The following JPH2 variants were observed in gnomAD, a reference collection of about 807,000 sequenced individuals.
JPH2 encodes junctophilin-2.
Under a neutral mutation model 55.9 loss-of-function variants are expected in JPH2, and 38 were observed. The ratio of observed to expected loss-of-function variants is 0.68; its 90% CI spans 0.52 to 0.89. The LOEUF is 0.89. Ranked by LOEUF, JPH2 falls within the 40% of genes least tolerant of loss-of-function variation. The pLI is 0.00. For synonymous variants in JPH2, 480 were observed against 472.4 expected, an observed-to-expected ratio of 1.02 and a Z score of -0.21; for missense variants, 964 against 1,037.6, an observed-to-expected ratio of 0.93 and a Z score of 0.97.
rs1057524121 is a variant in JPH2 at position 44,116,244 on chromosome 20, G to A, written c.1431C>T (p.Thr477=). ...ACGGGGAGCCACCCTCGGGCCGAGGGGTCTCACGCTCGTGCAGCTGCGGGC... is the reference window on the plus strand; with the variant it reads ...ACGGGGAGCCACCCTCGGGCCGAGGAGTCTCACGCTCGTGCAGCTGCGGGC... The part of the protein sequence containing the change: ...RESPQLHERE[T]PRPEGGSPSP... The change falls in exon 4 of 6, where the codon ACC becomes ACT. Residue 477 remains threonine, a synonymous_variant. Coordinates refer to ENST00000372980, the MANE Select transcript of JPH2 (RefSeq NM_020433.5). 1.4e-5 allele frequency: 21 copies of A among 1,478,226 alleles called. No homozygotes were observed. Among genetic ancestry groups the A allele is most frequent in the Middle Eastern group, 2.4e-4 (1 of 4,184 alleles). The allele number at this position is 1,478,226 out of a possible 1,614,324, so 91.6% of individuals were successfully genotyped here.
At chr20:44,177,437 A>G (rs557567283) in intron 1 of JPH2, 1 of 991,148 alleles carries the variant, frequency 1.0e-6, no homozygotes, top group East Asian at 1.1e-4. Context: ...ACGTCTGCAG[A>G]GATTTGGCCA....
At position 44,106,798 on chromosome 20, in the gene JPH2, C is replaced by T. The variant is rs531483883; in HGVS notation, c.*6720G>A. ...CGAGAACGGCACGGGAAAGGCTTGC[C>T]CCCATGATTCAATTACCTCCCACTG... On this transcript the variant is annotated 3_prime_UTR_variant, in exon 6 of 6. Transcript: ENST00000372980. Among the ~76,000 whole-genome samples the T allele has an allele frequency of 7.2e-5, 11 of 152,164 alleles. No homozygotes were observed. The South Asian group carries it at 2.3e-3, about 32-fold the overall frequency.
At chr20:44,177,302 G>C (rs957757981) in intron 1 of JPH2, 1 of 985,906 alleles carries the variant, frequency 1.0e-6, no homozygotes, top group East Asian at 1.1e-4. Context: ...AATGAGACTC[G>C]GCATTCCTCA....
chr20:44,167,476 G>A (rs940714221), intron 1 of JPH2, among the ~76,000 whole-genome samples: 2 of 152,102 alleles, frequency 1.3e-5, no homozygotes, highest in African/African-American at 2.4e-5. Flanking sequence ...GCTCAGTAGT[G>A]GACAGCACTG....
At chr20:44,161,706 T>A (rs1375017995) in intron 1 of JPH2, among the ~76,000 whole-genome samples, 1 of 152,036 alleles carries the variant, frequency 6.6e-6, no homozygotes, top group African/African-American at 2.4e-5. Flanking sequence ...ACCTGAGTTG[T>A]ATGACAAGCT....
At position 44,170,026 on chromosome 20, in the gene JPH2, C is replaced by G. The variant is rs1004935501; in HGVS notation, c.380-9619G>C. 2.0e-5 allele frequency among the ~76,000 whole-genome samples: 3 copies of G among 152,182 alleles called. No homozygotes were observed. The East Asian group carries it at 5.8e-4, about 29-fold the overall frequency. On this transcript the variant is annotated intron_variant, in intron 1 of 5. Coordinates refer to ENST00000372980, the MANE Select transcript of JPH2 (RefSeq NM_020433.5). ...GGAAATACATTTTGTTTCTTATAAA[C>G]TACACAGTTTCAGGTATTCTGTTAT...
rs376510739 is a variant in JPH2, at chr20:44,143,332, C to T, written c.1169+16286G>A. Among the ~76,000 whole-genome samples, 21 of 152,236 alleles carry T rather than the reference C, an allele frequency of 1.4e-4. No homozygotes were observed. The East Asian group carries it at 1.9e-3, about 14-fold the overall frequency. The stretch of plus-strand genomic sequence containing the variant: ...TCCTGTGTCTACCCCTAGTTTCCCC[C>T]GTAGCTGTGGAGGCAAGCTCCATGT... On this transcript the variant is annotated intron_variant, in intron 2 of 5. Coordinates refer to ENST00000372980, the MANE Select transcript of JPH2 (RefSeq NM_020433.5).
At chr20:44,113,674 C>T (rs112602806) in intron 5 of JPH2, among the ~76,000 whole-genome samples, 171 bp from the exon 6 acceptor site, 11 of 152,200 alleles carry the variant, frequency 7.2e-5, no homozygotes, top group East Asian at 1.9e-4. Flanking sequence ...AGGTCACAAA[C>T]GGGTCCCCGA....
At position 44,121,831 on chromosome 20, in the gene JPH2, T is replaced by TA. The variant is rs879393798; in HGVS notation, c.1170-3209dup. ...CCAAGACCTTGTCTCTACTAACAAT[T>TA]AAAAAAAAAAAATTAGCCAGGTGTG... is the stretch of plus-strand genomic sequence containing the variant. On this transcript the variant is annotated intron_variant, in intron 2 of 5. Transcript: ENST00000372980. Among the ~76,000 whole-genome samples the TA allele has an allele frequency of 7.8e-3, 1,132 of 144,630 alleles. 9 individuals carry two copies. Among genetic ancestry groups the TA allele is most frequent in the African/African-American group, 0.019 (750 of 39,448 alleles). The allele number at this position is 144,630 out of a possible 152,430, so 94.9% of individuals were successfully genotyped here.
chr20:44,138,009 C>CTTTT (rs556691395), intron 2 of JPH2, among the ~76,000 whole-genome samples: 2 of 140,776 alleles, frequency 1.4e-5, no homozygotes, highest in African/African-American at 5.2e-5. Context: ...TTAAAAAGAC[C>CTTTT]TTTTTTTTTT....
chr20:44,119,737 G>T (rs1256022574), intron 2 of JPH2, among the ~76,000 whole-genome samples: 1 of 152,024 alleles, frequency 6.6e-6, no homozygotes, highest in Non-Finnish European at 1.5e-5. Context: ...AGCCGGGCAT[G>T]GTGGCGGGCG....
At chr20:44,175,269 G>C (rs979772868) in intron 1 of JPH2, among the ~76,000 whole-genome samples, 34 of 152,294 alleles carry the variant, frequency 2.2e-4, no homozygotes, top group Admixed American at 1.8e-3. Context: ...ATAAATATTT[G>C]CCAAATGGCT....
At chr20:44,174,852 T>C (rs1004912162) in intron 1 of JPH2, among the ~76,000 whole-genome samples, 12 of 151,836 alleles carry the variant, frequency 7.9e-5, no homozygotes, top group African/African-American at 2.9e-4. Flanking sequence ...AAGTAGCCGG[T>C]TGTGGTGGTG....
intron 1 of JPH2, chr20:44,176,902 T>C (rs567298226): frequency 4.1e-6 from 4 of 985,182 alleles, no homozygotes; most frequent in South Asian, 4.7e-5. Flanking sequence ...GCAGGCTGCA[T>C]GCAGCTGTCC....
chr20:44,141,410 C>T (rs1407468113), intron 2 of JPH2, among the ~76,000 whole-genome samples: 1 of 151,980 alleles, frequency 6.6e-6, no homozygotes, highest in African/African-American at 2.4e-5. Flanking sequence ...CAGATGGAGG[C>T]GGGTCCCTGA....
At chr20:44,185,841 G>A (rs1164354310) in intron 1 of JPH2, among the ~76,000 whole-genome samples, 1 of 151,760 alleles carries the variant, frequency 6.6e-6, no homozygotes, top group Non-Finnish European at 1.5e-5. Flanking sequence ...ATGAATGGAT[G>A]GATGGACGGG....
chr20:44,115,128 T>A (rs749261253), intron 4 of JPH2, among the ~76,000 whole-genome samples: 5 of 152,098 alleles, frequency 3.3e-5, no homozygotes, highest in African/African-American at 7.2e-5. Context: ...AGTGTGTGAA[T>A]CAGGCCTGGA....
chr20:44,169,954 C>G (rs1293324753), intron 1 of JPH2, among the ~76,000 whole-genome samples: 1 of 152,158 alleles, frequency 6.6e-6, no homozygotes, highest in African/African-American at 2.4e-5. Context: ...GAATGCCACT[C>G]CTGATATGAC....
chr20:44,159,481 C>T lies in JPH2; in HGVS notation c.1169+137G>A. 2 of 882,836 alleles carry T rather than the reference C, an allele frequency of 2.3e-6. No homozygotes were observed. Among genetic ancestry groups the T allele is most frequent in the South Asian group, 3.2e-5 (2 of 62,666 alleles). 54.7% of individuals were successfully genotyped at this position (882,836 alleles called of 1,614,324 possible). On this transcript the variant is annotated intron_variant, in intron 2 of 5. Coordinates refer to ENST00000372980, the MANE Select transcript of JPH2 (RefSeq NM_020433.5). The surrounding 1 kb of genome is among the most constrained non-coding windows in gnomAD (Gnocchi z 5.7). ...CAGGAGCCACCAGCTCCCGAAGAGCCTCCAATTAACCCCTGAAGGTGATGG... is the reference window on the plus strand; with the variant it reads ...CAGGAGCCACCAGCTCCCGAAGAGCTTCCAATTAACCCCTGAAGGTGATGG...
Sources: gnomAD v4.1 joint callset for allele counts (sites outside exome capture counted in the v4.1 genomes callset) on GRCh38, gnomAD v4.1.1 for gene constraint, Gnocchi (gnomAD v3.1) non-coding constraint, MANE v1.5 for transcripts, NCBI Gene and HGNC (gene_info 2026-07-23, HGNC 2026-07-21) for gene names.